The following MDGA2 variants were observed in gnomAD, a reference collection of about 807,000 sequenced individuals.
The protein encoded by MDGA2 is MAM domain-containing glycosylphosphatidylinositol anchor protein 2.
A neutral mutation model predicts 117.8 loss-of-function variants in MDGA2; 40 were observed. The observed-to-expected ratio is 0.34, with a 90% CI of 0.26 to 0.44. The LOEUF is 0.44. Ranked by LOEUF, MDGA2 falls within the 20% of genes least tolerant of loss-of-function variation. MDGA2 has a pLI of 1.00. For synonymous variants in MDGA2, 452 were observed against 439.0 expected (o/e 1.03, Z -0.37); for missense variants, 1,123 against 1,250.6 (o/e 0.90, Z 1.54).
At chr14:47,609,465 A>ACATATATATATATATAT (rs1555336021) in intron 1 of MDGA2, among the ~76,000 whole-genome samples, 8 of 107,380 alleles carry the variant, frequency 7.5e-5, no homozygotes, top group Non-Finnish European at 9.7e-5. Context: ...ATATATATAT[A>ACATATATATATATATAT]AGTTTCTTTA....
chr14:46,929,132 T>G (rs545353563), intron 9 of MDGA2, among the ~76,000 whole-genome samples: 12 of 152,254 alleles, frequency 7.9e-5, no homozygotes, highest in African/African-American at 2.9e-4. Context: ...ATCTGAGAGT[T>G]CAGAATATGC....
chr14:47,193,544 A>G (rs1885186839), intron 3 of MDGA2, among the ~76,000 whole-genome samples: 1 of 152,190 alleles, frequency 6.6e-6, no homozygotes, highest in African/African-American at 2.4e-5. Flanking sequence ...CTCAATGTAT[A>G]TAAGTTAAGA....
chr14:47,445,380 C>A (rs1313316954), intron 1 of MDGA2, among the ~76,000 whole-genome samples: 1 of 152,126 alleles, frequency 6.6e-6, no homozygotes, highest in Non-Finnish European at 1.5e-5. Flanking sequence ...TCTGTTTACA[C>A]ACATTGTTCA....
Position 47,610,576 on chromosome 14 carries a change from A to AAACAAAC in MDGA2, c.280+63940_280+63941insGTTTGTT, listed in dbSNP as rs1555336145. 5.4e-4 allele frequency among the ~76,000 whole-genome samples: 82 copies of AAACAAAC among 151,642 alleles called. No individual in the cohort carries two copies. The South Asian group carries it at 0.012, about 22-fold the overall frequency. On this transcript the variant is annotated intron_variant, in intron 1 of 16. Transcript: ENST00000399232. ...CCTTTTACAATAGCTAAAAACAAAC[A>AAACAAAC]AACAACAACAACAACAACAACAACA...
At chr14:47,397,443 C>T (rs909291651) in intron 1 of MDGA2, among the ~76,000 whole-genome samples, 38 of 151,896 alleles carry the variant, frequency 2.5e-4, no homozygotes, top group African/African-American at 7.0e-4. Flanking sequence ...CAAACCTGAA[C>T]GTTCTGCACG....
chr14:47,306,825 CAGAGAA>C (rs1366938592), intron 1 of MDGA2, among the ~76,000 whole-genome samples: 1 of 125,044 alleles, frequency 8.0e-6, no homozygotes, highest in African/African-American at 3.2e-5. Context: ...GATAGAGAGA[CAGAGAA>C]AGAGAAAGAG....
At chr14:47,356,589 G>A (rs1202672320) in intron 1 of MDGA2, among the ~76,000 whole-genome samples, 1 of 152,160 alleles carries the variant, frequency 6.6e-6, no homozygotes. Context: ...GTGGAAAGAA[G>A]GGGATCCAAA....
chr14:46,849,001 A>G (rs1466356148), intron 15 of MDGA2, among the ~76,000 whole-genome samples: 8 of 152,070 alleles, frequency 5.3e-5, no homozygotes, highest in Non-Finnish European at 1.0e-4. Flanking sequence ...TTACATTTAC[A>G]CTTACAATTA....
chr14:47,208,628 C>G (rs910572565), intron 3 of MDGA2, among the ~76,000 whole-genome samples: 1 of 151,110 alleles, frequency 6.6e-6, no homozygotes, highest in African/African-American at 2.4e-5. Flanking sequence ...CTCCATGAAC[C>G]GCCTGGAAAT....
At chr14:47,100,616 AAAATC>A (rs2138997164) in intron 5 of MDGA2, among the ~76,000 whole-genome samples, 1 of 152,250 alleles carries the variant, frequency 6.6e-6, no homozygotes, top group South Asian at 2.1e-4. Flanking sequence ...TAAGCAATAA[AAAATC>A]AAACATGAAA....
chr14:46,871,885 T>C (rs1376949577), intron 14 of MDGA2: 3 of 390,154 alleles, frequency 7.7e-6, no homozygotes, highest in African/African-American at 4.1e-5. Flanking sequence ...CAATGACTCA[T>C]GCCTGTAATC....
At chr14:47,594,408 T>C (rs1367743966) in intron 1 of MDGA2, among the ~76,000 whole-genome samples, 1 of 152,190 alleles carries the variant, frequency 6.6e-6, no homozygotes, top group East Asian at 1.9e-4. Context: ...AGCATGTGCA[T>C]AAATTCAACA....
chr14:47,239,223 A>T (rs551607382), intron 2 of MDGA2, among the ~76,000 whole-genome samples: 10 of 56,992 alleles, frequency 1.8e-4, no homozygotes, highest in Admixed American at 8.9e-4. Flanking sequence ...AAAATTTATT[A>T]AAAAAAAAAA....
At chr14:47,039,768 T>G (rs75451367) in intron 7 of MDGA2, among the ~76,000 whole-genome samples, 6,791 of 152,278 alleles carry the variant, frequency 0.045, 198 homozygotes, top group Non-Finnish European at 0.072. Flanking sequence ...ACATTTATAT[T>G]AAGTGGGAAA....
At chr14:47,213,882 C>A (rs1490214585) in intron 3 of MDGA2, among the ~76,000 whole-genome samples, 3 of 152,116 alleles carry the variant, frequency 2.0e-5, no homozygotes, top group Non-Finnish European at 4.4e-5. Flanking sequence ...AGTAAACTTA[C>A]AATCACAGCG....
intron 8 of MDGA2, among the ~76,000 whole-genome samples, chr14:47,023,497 C>A (rs1055347000): frequency 6.6e-6 from 1 of 152,112 alleles, no homozygotes; most frequent in Non-Finnish European, 1.5e-5. Context: ...AACAAGATTT[C>A]TTTTCATCAT....
intron 2 of MDGA2, among the ~76,000 whole-genome samples, chr14:47,274,750 A>T (rs1472481790): frequency 6.6e-6 from 1 of 152,118 alleles, no homozygotes; most frequent in East Asian, 1.9e-4. Flanking sequence ...TTTTGTTCAT[A>T]GGCATTTTAG....
At chr14:47,455,281 G>A (rs758715643) in intron 1 of MDGA2, among the ~76,000 whole-genome samples, 10 of 152,124 alleles carry the variant, frequency 6.6e-5, no homozygotes, top group African/African-American at 1.7e-4. Context: ...CGAGGTGGGC[G>A]GATCGCCTGA....
chr14:47,426,313 AT>A lies in MDGA2; in HGVS notation c.281-124764del, dbSNP rs566316944. The stretch of plus-strand genomic sequence containing the variant: ...GGTGATTTTTTTTACTTCTATTATT[AT>A]TTATCTTGTTGATCAAGTTATTCCA... On this transcript the variant is annotated intron_variant, in intron 1 of 16. Coordinates refer to ENST00000399232, the MANE Select transcript of MDGA2 (RefSeq NM_001113498.3). Among the ~76,000 whole-genome samples, 473 of 151,998 alleles carry A rather than the reference AT, an allele frequency of 3.1e-3. 1 individual carries two copies. The highest frequency in any genetic ancestry group is 0.011 in the African/African-American group (450 of 41,488).
Sources: gnomAD v4.1 joint callset for allele counts (sites outside exome capture counted in the v4.1 genomes callset) on GRCh38, gnomAD v4.1.1 for gene constraint, MANE v1.5 for transcripts, NCBI Gene and HGNC (gene_info 2026-07-23, HGNC 2026-07-21) for gene names.